The following SH3D19 variants were observed in gnomAD, a reference collection of about 807,000 sequenced individuals.
SH3D19 encodes SH3 domain containing 19.
A neutral mutation model predicts 112.1 loss-of-function variants in SH3D19; 58 were observed. That is an observed-to-expected ratio of 0.52 (90% CI 0.42 to 0.64). The LOEUF (loss-of-function observed/expected upper bound fraction) is 0.64. SH3D19 is among the 30% of genes least tolerant of loss of function. The pLI, the probability that SH3D19 is intolerant of heterozygous loss-of-function variation, is 0.00. For missense variants in SH3D19, 1,090 were observed against 1,263.4 expected (o/e 0.86, Z 2.08); for synonymous variants, 391 against 448.5 (o/e 0.87, Z 1.62).
chr4:151,285,939 A>G (rs1326391571), intron 1 of SH3D19, among the ~76,000 whole-genome samples: 2 of 151,852 alleles, frequency 1.3e-5, no homozygotes, highest in African/African-American at 2.4e-5. Context: ...ACATACCTGT[A>G]ATCGCAGCAC....
At chr4:151,248,464 G>A (rs189664464) in intron 1 of SH3D19, among the ~76,000 whole-genome samples, 2 of 152,254 alleles carry the variant, frequency 1.3e-5, no homozygotes, top group African/African-American at 4.8e-5. Flanking sequence ...AGTGTTATTT[G>A]ATTTCTGATT....
intron 1 of SH3D19, among the ~76,000 whole-genome samples, chr4:151,260,533 C>T (rs1173491191): frequency 6.6e-6 from 1 of 152,216 alleles, no homozygotes; most frequent in Non-Finnish European, 1.5e-5. Flanking sequence ...TTGACTCTAA[C>T]ATAGCTACCC....
intron 1 of SH3D19, among the ~76,000 whole-genome samples, chr4:151,318,318 A>AGAAAG (rs1450420127): frequency 6.7e-6 from 1 of 149,796 alleles, no homozygotes; most frequent in African/African-American, 2.5e-5. Context: ...AAAAAAAAAA[A>AGAAAG]AAAGAAAGAA....
intron 1 of SH3D19, among the ~76,000 whole-genome samples, chr4:151,281,474 G>T (rs1774228322): frequency 6.6e-6 from 1 of 152,158 alleles, no homozygotes; most frequent in Non-Finnish European, 1.5e-5. Flanking sequence ...GTGGGGGGTA[G>T]ACAGCGATGT....
chr4:151,165,508 CA>C, intron 8 of SH3D19, 80 bp downstream of exon 8: 1 of 1,128,044 alleles, frequency 8.9e-7, no homozygotes, highest in Middle Eastern at 2.0e-4. Flanking sequence ...TACATAATTT[CA>C]AAAGCAGACA....
At chr4:151,295,639 A>G (rs534875758) in intron 1 of SH3D19, among the ~76,000 whole-genome samples, 8 of 152,248 alleles carry the variant, frequency 5.3e-5, no homozygotes, top group African/African-American at 1.7e-4. Flanking sequence ...TCTGTCCTCT[A>G]CACCTGGAAT....
At chr4:151,257,422 C>A (rs1008069692) in intron 1 of SH3D19, among the ~76,000 whole-genome samples, 3 of 152,080 alleles carry the variant, frequency 2.0e-5, no homozygotes, top group Admixed American at 1.3e-4. Context: ...ATAATCCCAG[C>A]CTTGATTTTT....
At chr4:151,237,835 G>A (rs1561391380) in intron 1 of SH3D19, among the ~76,000 whole-genome samples, 1 of 152,090 alleles carries the variant, frequency 6.6e-6, no homozygotes, top group Admixed American at 6.5e-5. Context: ...TTAATCTGCA[G>A]GATTTTTCTT....
At chr4:151,139,635 G>T in intron 13 of SH3D19, 140 bp downstream of exon 13, 1 of 679,530 alleles carries the variant, frequency 1.5e-6, no homozygotes. Context: ...TGGAGTCCTG[G>T]ATAAGATGAC....
chr4:151,135,512 T>C (rs7662485), intron 14 of SH3D19, among the ~76,000 whole-genome samples: 128,547 of 149,118 alleles, frequency 0.86, 56,173 homozygotes, highest in Non-Finnish European at 0.95. Context: ...ACTGCAGCCT[T>C]GACCTCCCAG....
chr4:151,275,825 C>CTAT (rs1200765508), intron 1 of SH3D19, among the ~76,000 whole-genome samples: 8 of 144,118 alleles, frequency 5.6e-5, no homozygotes, highest in South Asian at 2.2e-4. Context: ...CCAGCCACTT[C>CTAT]TATTATTATT....
intron 2 of SH3D19, among the ~76,000 whole-genome samples, chr4:151,224,482 A>C (rs1193320089): frequency 6.6e-6 from 1 of 152,138 alleles, no homozygotes; most frequent in African/African-American, 2.4e-5. Context: ...TTTTTCAAAA[A>C]TATTGCTAAG....
chr4:151,130,868 C>T (rs1247303705), intron 17 of SH3D19, among the ~76,000 whole-genome samples: 3 of 150,968 alleles, frequency 2.0e-5, no homozygotes, highest in African/African-American at 7.3e-5. Flanking sequence ...TTGAAGCCGG[C>T]AGCAGAGGTT....
chr4:151,135,655 T>C (rs113800676), intron 14 of SH3D19, among the ~76,000 whole-genome samples: 2 of 151,984 alleles, frequency 1.3e-5, no homozygotes, highest in South Asian at 4.1e-4. Flanking sequence ...TCTTGAACTC[T>C]TGGACTCAAG....
intron 1 of SH3D19, among the ~76,000 whole-genome samples, chr4:151,287,341 CAAA>C (rs34944826): frequency 1.8e-4 from 15 of 82,346 alleles, no homozygotes; most frequent in Admixed American, 2.8e-4. Flanking sequence ...ACTCTGTCTC[CAAA>C]AAAAAAAAAA....
At chr4:151,126,623 G>A (rs1022135298) in intron 19 of SH3D19, among the ~76,000 whole-genome samples, 6 of 151,508 alleles carry the variant, frequency 4.0e-5, no homozygotes, top group African/African-American at 1.2e-4. Flanking sequence ...GTGAAACCTC[G>A]TCTCTACTAA....
chr4:151,186,673 G>A (rs1202066645), intron 3 of SH3D19, among the ~76,000 whole-genome samples: 2 of 151,926 alleles, frequency 1.3e-5, no homozygotes, highest in African/African-American at 2.4e-5. Context: ...GACCTCAGGT[G>A]ATCCACCTGC....
chr4:151,244,069 T>C (rs1770750851), intron 1 of SH3D19, among the ~76,000 whole-genome samples: 1 of 152,210 alleles, frequency 6.6e-6, no homozygotes, highest in Non-Finnish European at 1.5e-5. Flanking sequence ...TTCTGTGACT[T>C]GATCAAACAG....
At chr4:151,298,462 C>A (rs530307519) in intron 1 of SH3D19, among the ~76,000 whole-genome samples, 44 of 149,716 alleles carry the variant, frequency 2.9e-4, no homozygotes, top group African/African-American at 1.0e-3. Flanking sequence ...AGGCGTGAGC[C>A]ACCGCGCCCA....
Sources: allele counts gnomAD v4.1 joint callset (sites outside exome capture counted in the v4.1 genomes callset), GRCh38; gene constraint gnomAD v4.1.1; transcripts MANE v1.5; gene names NCBI Gene and HGNC (gene_info 2026-07-23, HGNC 2026-07-21).